RAB8B: variants seen among roughly 807,000 people sequenced by gnomAD.
RAB8B encodes the protein RAB8B, member RAS oncogene family.
Under a neutral mutation model 32.0 loss-of-function variants are expected in RAB8B, and 11 were observed. The ratio of observed to expected loss-of-function variants is 0.34; its 90% CI spans 0.22 to 0.57. The LOEUF (loss-of-function observed/expected upper bound fraction) is 0.57, where lower values mean the gene tolerates loss of function less well. RAB8B is among the 20% of genes least tolerant of loss of function. The pLI, the probability that RAB8B is intolerant of heterozygous loss-of-function variation, is 0.86. For synonymous variants in RAB8B, 103 were observed against 89.6 expected (o/e 1.15, Z -0.85); for missense variants, 190 against 258.5 (o/e 0.73, Z 1.82).
intron 1 of RAB8B, among the ~76,000 whole-genome samples, chr15:63,236,613 T>A (rs1179337824): frequency 5.3e-5 from 8 of 151,530 alleles, no homozygotes; most frequent in Admixed American, 2.0e-4. Flanking sequence ...AAAAGTCTTT[T>A]AAAAAAAAAT....
intron 2 of RAB8B, among the ~76,000 whole-genome samples, chr15:63,246,515 A>T (rs1350862582): frequency 6.6e-6 from 1 of 152,168 alleles, no homozygotes; most frequent in Non-Finnish European, 1.5e-5. Flanking sequence ...GAACAGCCAG[A>T]TGGAAGAGAT....
At chr15:63,245,185 A>C (rs1338744878) in intron 2 of RAB8B, among the ~76,000 whole-genome samples, 1 of 152,240 alleles carries the variant, frequency 6.6e-6, no homozygotes, top group African/African-American at 2.4e-5. Flanking sequence ...CAGGAAGTAC[A>C]GATCTAGGTT....
intron 6 of RAB8B, among the ~76,000 whole-genome samples, chr15:63,262,134 C>T (rs1275157386): frequency 1.3e-5 from 2 of 152,112 alleles, no homozygotes; most frequent in African/African-American, 2.4e-5. Context: ...TAGGGTAATA[C>T]ATAATTATTT....
chr15:63,189,885 G>T, intron 1 of RAB8B, 137 bp downstream of exon 1: 1 of 1,208,256 alleles, frequency 8.3e-7, no homozygotes, highest in Non-Finnish European at 1.1e-6. Context: ...GCACTGAGAG[G>T]GGCGAGGGCG....
At position 63,264,237 on chromosome 15, in the gene RAB8B, G is replaced by GT. The variant is rs2038224389; in HGVS notation, c.*622dup. On this transcript the variant is annotated 3_prime_UTR_variant, in exon 8 of 8. Coordinates refer to ENST00000321437, the MANE Select transcript of RAB8B (RefSeq NM_016530.3). ...AAGAGCTTTGCCTCATCCCCGACCT[G>GT]TTTTCCAGAGTCTGGGTAGCTGAAT... The GT allele has an allele frequency of 6.6e-6, 1 of 152,138 alleles. No homozygotes were observed. Among genetic ancestry groups the GT allele is most frequent in the Admixed American group, 6.5e-5 (1 of 15,268 alleles). The allele number at this position is 152,138 out of a possible 1,614,324, so 9.4% of individuals were successfully genotyped here.
At chr15:63,196,729 G>A (rs1401829633) in intron 1 of RAB8B, among the ~76,000 whole-genome samples, 1 of 152,158 alleles carries the variant, frequency 6.6e-6, no homozygotes, top group Admixed American at 6.5e-5. Context: ...TTTGAGTTAA[G>A]ATAAAAAGTG....
At chr15:63,192,458 A>G (rs2037564260) in intron 1 of RAB8B, among the ~76,000 whole-genome samples, 1 of 152,142 alleles carries the variant, frequency 6.6e-6, no homozygotes, top group Non-Finnish European at 1.5e-5. Flanking sequence ...CTAAGTGTGT[A>G]AGTTCCTGTG....
At chr15:63,212,078 C>T (rs1264816491) in intron 1 of RAB8B, among the ~76,000 whole-genome samples, 1 of 152,152 alleles carries the variant, frequency 6.6e-6, no homozygotes, top group Non-Finnish European at 1.5e-5. Flanking sequence ...AGCAGTCCTC[C>T]TGCCTCAGCA....
At chr15:63,215,043 T>C (rs2037780906) in intron 1 of RAB8B, among the ~76,000 whole-genome samples, 1 of 152,218 alleles carries the variant, frequency 6.6e-6, no homozygotes, top group African/African-American at 2.4e-5. Flanking sequence ...AGATACCTGC[T>C]GTTGCTATTT....
intron 1 of RAB8B, among the ~76,000 whole-genome samples, chr15:63,223,452 C>G (rs887578943): frequency 1.3e-5 from 2 of 152,114 alleles, no homozygotes; most frequent in African/African-American, 4.8e-5. Flanking sequence ...TGTACTTTTT[C>G]TATGTTTAGA....
intron 1 of RAB8B, among the ~76,000 whole-genome samples, chr15:63,241,363 A>T (rs1178876549): frequency 6.6e-6 from 1 of 152,240 alleles, no homozygotes; most frequent in Non-Finnish European, 1.5e-5. Flanking sequence ...AAATAAGTGA[A>T]TGAATTATTA....
At chr15:63,216,717 G>A (rs1013621228) in intron 1 of RAB8B, among the ~76,000 whole-genome samples, 3 of 151,808 alleles carry the variant, frequency 2.0e-5, no homozygotes, top group South Asian at 2.1e-4. Flanking sequence ...AAAATTAGTC[G>A]GGCATGGTGG....
chr15:63,246,616 C>T (rs1595747747), intron 2 of RAB8B, among the ~76,000 whole-genome samples: 1 of 152,300 alleles, frequency 6.6e-6, no homozygotes, highest in African/African-American at 2.4e-5. Flanking sequence ...ACATCCAGCA[C>T]CTCCACGTGT....
In RAB8B at chr15:63,262,679, GT is replaced by G; in HGVS notation, c.481-9del. 5 of 1,297,650 alleles carry G rather than the reference GT, an allele frequency of 3.9e-6. No individual in the cohort carries two copies. The highest frequency in any genetic ancestry group is 4.1e-6 in the Non-Finnish European group (4 of 978,536). The allele number at this position is 1,297,650 out of a possible 1,614,324, so 80.4% of individuals were successfully genotyped here. On this transcript the variant is annotated splice_polypyrimidine_tract_variant and intron_variant, in intron 6 of 7. Coordinates refer to ENST00000321437, the MANE Select transcript of RAB8B (RefSeq NM_016530.3). ...GAATATATAATAATGAAAATGTTTTGTTTTACCTATAGGCATTTTTTACACT... is the reference window on the plus strand; with the variant it reads ...GAATATATAATAATGAAAATGTTTTGTTTACCTATAGGCATTTTTTACACT...
chr15:63,253,150 G>A (rs1372016798), intron 3 of RAB8B, among the ~76,000 whole-genome samples: 2 of 152,210 alleles, frequency 1.3e-5, no homozygotes, highest in East Asian at 1.9e-4. Flanking sequence ...GAAGAAGGGA[G>A]GATAGAGGAG....
intron 1 of RAB8B, among the ~76,000 whole-genome samples, chr15:63,238,230 TA>T (rs917437804): frequency 4.2e-3 from 605 of 142,928 alleles, no homozygotes; most frequent in Non-Finnish European, 3.9e-3. Flanking sequence ...CCTTTTAAAT[TA>T]AAAAAAAAAA....
intron 7 of RAB8B, 100 bp from the exon 8 acceptor site, chr15:63,263,427 A>T (rs907658770): frequency 2.7e-6 from 2 of 751,288 alleles, no homozygotes; most frequent in Non-Finnish European, 4.3e-6. Context: ...ACTAGAATAC[A>T]CATTTCACAT....
chr15:63,220,850 C>T (rs999722521), intron 1 of RAB8B, among the ~76,000 whole-genome samples: 2 of 152,042 alleles, frequency 1.3e-5, no homozygotes, highest in Admixed American at 1.3e-4. Context: ...AAGGGTTTAT[C>T]TTTCATTTAT....
Position 63,241,235 on chromosome 15 carries a change from G to A in RAB8B, c.125-3521G>A, listed in dbSNP as rs141171436. On this transcript the variant is annotated intron_variant, in intron 1 of 7. Transcript: ENST00000321437. ...GAGCACACTGTAATCCCAGCTAGTC[G>A]CGAGGCTGAGGCAGGAGGCAGGAGA... Among the ~76,000 whole-genome samples, 409 of 152,274 alleles carry A rather than the reference G, an allele frequency of 2.7e-3. 3 individuals are homozygous for A. The highest frequency in any genetic ancestry group is 8.1e-3 in the African/African-American group (335 of 41,552).
Sources: allele counts gnomAD v4.1 joint callset (sites outside exome capture counted in the v4.1 genomes callset), GRCh38; gene constraint gnomAD v4.1.1; transcripts MANE v1.5; gene names NCBI Gene and HGNC (gene_info 2026-07-23, HGNC 2026-07-21).